Variants in EPYC observed in about 807,000 individuals in gnomAD.
EPYC encodes epiphycan.
Under a neutral mutation model 30.1 loss-of-function variants are expected in EPYC, and 28 were observed. The observed-to-expected ratio is 0.93, with a 90% confidence interval of 0.69 to 1.28. EPYC has a LOEUF of 1.28. Among genes scored for constraint, EPYC ranks in the 50% most tolerant of loss-of-function variants. The pLI, the probability that EPYC is intolerant of heterozygous loss-of-function variation, is 0.00. For missense variants in EPYC, 382 were observed against 383.5 expected (o/e 1.00, Z 0.03); for synonymous variants, 144 against 141.4 (o/e 1.02, Z -0.13).
At chr12:90,988,319 G>A (rs1284518065) in intron 2 of EPYC, among the ~76,000 whole-genome samples, 1 of 152,144 alleles carries the variant, frequency 6.6e-6, no homozygotes, top group Non-Finnish European at 1.5e-5. Flanking sequence ...TAGCTGATTA[G>A]TGATGACGAT....
At chr12:91,002,821 A>AATTTT (rs1285029516) in intron 1 of EPYC, among the ~76,000 whole-genome samples, 2 of 151,382 alleles carry the variant, frequency 1.3e-5, no homozygotes, top group Non-Finnish European at 2.9e-5. Flanking sequence ...ATTACAGTAA[A>AATTTT]ATTTTATTTT....
rs1477020157 is a variant in EPYC at position 91,002,444 on chromosome 12, T to C, written c.122A>G (p.Asp41Gly). The C allele has an allele frequency of 6.2e-7, 1 of 1,613,278 alleles. No individual in the cohort carries two copies. The highest frequency in any genetic ancestry group is 1.7e-5 in the Admixed American group (1 of 59,894). The change falls in exon 2 of 7, where the codon GAT becomes GGT. Residue 41 changes from aspartate (D) to glycine (G), a missense_variant. Physicochemically the swap from Asp to Gly is moderately conservative, Grantham distance 94 (BLOSUM62 -1). Coordinates refer to ENST00000261172, the MANE Select transcript of EPYC (RefSeq NM_004950.5). ...ETYDATLEDLDNLYNYENIPV... is the reference protein window; with the variant it reads ...ETYDATLEDLGNLYNYENIPV... ...TATGTTTTCATAGTTGTACAAATTA[T>C]CCAGGTCTTCTAAGGTGGCATCATA...
intron 6 of EPYC, among the ~76,000 whole-genome samples, chr12:90,965,752 T>G (rs1876878456): frequency 6.6e-6 from 1 of 152,124 alleles, no homozygotes; most frequent in South Asian, 2.1e-4. Context: ...TCGTAAGTCT[T>G]CTGATTCATG....
intron 1 of EPYC, among the ~76,000 whole-genome samples, chr12:91,003,090 A>T (rs1423110363): frequency 6.6e-6 from 1 of 152,082 alleles, no homozygotes; most frequent in Non-Finnish European, 1.5e-5. Flanking sequence ...TGGCTTAGGC[A>T]TTGGGGTTTT....
chr12:90,998,217 A>G (rs1877740415), intron 2 of EPYC, among the ~76,000 whole-genome samples: 1 of 152,138 alleles, frequency 6.6e-6, no homozygotes, highest in Non-Finnish European at 1.5e-5. Context: ...GTAGTTTATC[A>G]GAAAGCAAAA....
chr12:90,969,933 G>A (rs1876994512), intron 6 of EPYC, 111 bp downstream of exon 6: 2 of 738,764 alleles, frequency 2.7e-6, no homozygotes, highest in South Asian at 1.6e-5. Flanking sequence ...AAGAAGAAAA[G>A]TTATCACAGT....
In EPYC at chr12:90,972,700, A is replaced by G. The variant is rs912216974; in HGVS notation, c.499+122T>C. 4 of 878,616 alleles carry G rather than the reference A, an allele frequency of 4.6e-6. No homozygotes were observed. In the Admixed American group the frequency reaches 8.7e-5, roughly 19 times the overall value. The allele number at this position is 878,616 out of a possible 1,614,324, so 54.4% of individuals were successfully genotyped here. A position where few individuals can be genotyped will look rare whatever the true frequency, so the allele number is the denominator to read the frequency against. ...CTCTCAAATTTTTAAATAACAAAAAACTATTGATTCATGAACCAGGCTTTG... is the reference window on the plus strand; with the variant it reads ...CTCTCAAATTTTTAAATAACAAAAAGCTATTGATTCATGAACCAGGCTTTG... On this transcript the variant is annotated intron_variant, in intron 4 of 6. Transcript: ENST00000261172.
At chr12:90,985,420 C>G (rs141989363) in intron 2 of EPYC, among the ~76,000 whole-genome samples, 32 of 152,194 alleles carry the variant, frequency 2.1e-4, no homozygotes, top group Non-Finnish European at 4.3e-4. Flanking sequence ...GCTCCAAAAG[C>G]GAGCCCTGGG....
chr12:90,967,097 T>C (rs970806025), intron 6 of EPYC, among the ~76,000 whole-genome samples: 1 of 152,102 alleles, frequency 6.6e-6, no homozygotes, highest in Non-Finnish European at 1.5e-5. Flanking sequence ...TTTTCTATTA[T>C]ATATTTTACT....
chr12:90,981,961 T>C (rs927766523), intron 2 of EPYC, among the ~76,000 whole-genome samples: 2 of 152,170 alleles, frequency 1.3e-5, no homozygotes, highest in Non-Finnish European at 2.9e-5. Context: ...TAAACCAGAT[T>C]CGATTCCTAC....
chr12:91,002,591 T>C lies in EPYC; in HGVS notation c.-13-13A>G, dbSNP rs1291839693. ...TTTTCAAGCTTTCCTAATTATAAAATATTAAAATGCATAAATATTTAATTG... is the reference window on the plus strand; with the variant it reads ...TTTTCAAGCTTTCCTAATTATAAAACATTAAAATGCATAAATATTTAATTG... On this transcript the variant is annotated splice_polypyrimidine_tract_variant and intron_variant, in intron 1 of 6. Transcript: ENST00000261172. 2.6e-6 allele frequency: 4 copies of C among 1,560,966 alleles called. No homozygotes were observed. The highest frequency in any genetic ancestry group is 3.5e-6 in the Non-Finnish European group (4 of 1,148,430).
chr12:90,974,491 G>A (rs1417757882), intron 3 of EPYC, among the ~76,000 whole-genome samples: 1 of 152,044 alleles, frequency 6.6e-6, no homozygotes, highest in African/African-American at 2.4e-5. Context: ...CTTGGGGTTT[G>A]TTTGATGAAG....
In EPYC at chr12:90,997,423, T is replaced by C. The variant is rs186544828; in HGVS notation, c.165+4978A>G. On this transcript the variant is annotated intron_variant, in intron 2 of 6. Transcript: ENST00000261172. The stretch of plus-strand genomic sequence containing the variant: ...ATCTTAATATTGCTACCAAGCACTT[T>C]GCTGGAAAAATGCATTACACATAGT... 3.7e-4 allele frequency among the ~76,000 whole-genome samples: 57 copies of C among 152,198 alleles called. No individual in the cohort carries two copies. In the South Asian group the frequency reaches 6.8e-3, roughly 18 times the overall value.
intron 6 of EPYC, among the ~76,000 whole-genome samples, chr12:90,967,803 T>G (rs2120794029): frequency 6.6e-6 from 1 of 152,088 alleles, no homozygotes; most frequent in East Asian, 1.9e-4. Context: ...TGAGACCTGG[T>G]CTCTAAAAAA....
At chr12:90,995,361 T>C (rs991799485) in intron 2 of EPYC, among the ~76,000 whole-genome samples, 1 of 152,072 alleles carries the variant, frequency 6.6e-6, no homozygotes, top group African/African-American at 2.4e-5. Flanking sequence ...CTTGGAAATG[T>C]TTGTTTTTCT....
chr12:90,988,936 A>C (rs569079304), intron 2 of EPYC, among the ~76,000 whole-genome samples: 1 of 152,270 alleles, frequency 6.6e-6, no homozygotes, highest in African/African-American at 2.4e-5. Context: ...ACTTAGAAAA[A>C]GTAAACAATG....
intron 6 of EPYC, among the ~76,000 whole-genome samples, chr12:90,968,281 C>T (rs1207781609): frequency 6.6e-6 from 1 of 152,120 alleles, no homozygotes; most frequent in African/African-American, 2.4e-5. Context: ...ATATCAGTAG[C>T]TATATTAAAT....
intron 3 of EPYC, among the ~76,000 whole-genome samples, chr12:90,976,078 T>C (rs1877170602): frequency 6.6e-6 from 1 of 152,136 alleles, no homozygotes; most frequent in Non-Finnish European, 1.5e-5. Flanking sequence ...GTCTGGCATA[T>C]AGAAGGCATG....
intron 2 of EPYC, among the ~76,000 whole-genome samples, chr12:90,981,914 A>G (rs1877333772): frequency 6.6e-6 from 1 of 152,152 alleles, no homozygotes. Context: ...AATGTAATAT[A>G]TATGTTATGG....
Sources: allele counts gnomAD v4.1 joint callset (sites outside exome capture counted in the v4.1 genomes callset), GRCh38; gene constraint gnomAD v4.1.1; transcripts MANE v1.5; gene names NCBI Gene and HGNC (gene_info 2026-07-23, HGNC 2026-07-21).